DLEU7: variants seen among roughly 807,000 people sequenced by gnomAD.
The protein encoded by DLEU7 is leukemia-associated protein 7.
DLEU7 carries 17 observed loss-of-function variants against 16.0 expected under a neutral mutation model. The observed-to-expected ratio is 1.06, with a 90% CI of 0.73 to 1.59. DLEU7 has a LOEUF of 1.59. DLEU7 is among the 40% of genes most tolerant of loss of function. The pLI, the probability that DLEU7 is intolerant of heterozygous loss-of-function variation, is 0.00. For missense variants in DLEU7, 308 were observed against 314.9 expected (o/e 0.98, Z 0.17); for synonymous variants, 113 against 139.8 (o/e 0.81, Z 1.35).
In DLEU7 at chr13:50,807,666, TAGG is replaced by T. The variant is rs144778619; in HGVS notation, c.459+35519_459+35521del. 7.4e-3 allele frequency among the ~76,000 whole-genome samples: 1,130 copies of T among 152,248 alleles called. 13 individuals are homozygous for T. The highest frequency in any genetic ancestry group is 0.026 in the African/African-American group (1,080 of 41,568). On this transcript the variant is annotated intron_variant, in intron 1 of 1. Transcript: ENST00000400393. ...AAGAAAGAGGGAAAATCTGTTTCAG[TAGG>T]AGACCTTCTCACCTCTTTACTCATA... is the stretch of plus-strand genomic sequence containing the variant.
chr13:50,712,905 G>A, exon 2 of DLEU7: 1 of 344,494 alleles, frequency 2.9e-6, no homozygotes, highest in South Asian at 6.6e-5. Context: ...GAGCAAACAG[G>A]GGTAGGGAAT....
intron 1 of DLEU7, among the ~76,000 whole-genome samples, chr13:50,832,276 G>A (rs1459937840): frequency 2.0e-5 from 3 of 152,268 alleles, no homozygotes; most frequent in African/African-American, 7.2e-5. Context: ...TTTGCACAGA[G>A]GTGTTTATAG....
chr13:50,808,875 GA>G (rs80168974), intron 1 of DLEU7, among the ~76,000 whole-genome samples: 22,222 of 145,926 alleles, frequency 0.15, 3,115 homozygotes, highest in African/African-American at 0.38. Flanking sequence ...ATTTCAGAAG[GA>G]AAAAAAAAAA....
At chr13:50,790,432 C>T (rs964661873) in intron 1 of DLEU7, among the ~76,000 whole-genome samples, 6 of 151,962 alleles carry the variant, frequency 3.9e-5, no homozygotes, top group Non-Finnish European at 7.4e-5. Context: ...CTCTCAGGCC[C>T]GCAAGGATAT....
intron 1 of DLEU7, among the ~76,000 whole-genome samples, chr13:50,769,291 A>G (rs528777766): frequency 2.0e-5 from 3 of 152,294 alleles, no homozygotes; most frequent in Non-Finnish European, 2.9e-5. Flanking sequence ...CTTTAGTTTC[A>G]TTAGATCCTA....
intron 1 of DLEU7, among the ~76,000 whole-genome samples, chr13:50,751,326 G>A (rs1874557545): frequency 6.6e-6 from 1 of 152,194 alleles, no homozygotes; most frequent in African/African-American, 2.4e-5. Flanking sequence ...GTTGGATTCA[G>A]TTAGCTAGTA....
Position 50,843,372 on chromosome 13 carries a change from C to T in DLEU7, c.275G>A (p.Arg92Gln). ...RANSPEEEVV[R>Q]GAEGGAELLP... is the part of the protein sequence containing the mutation. ...CAACTCGGCGCCCCCCTCAGCGCCTCGCACTACCTCCTCCTCTGGGGAGTT... is the reference window on the plus strand; with the variant it reads ...CAACTCGGCGCCCCCCTCAGCGCCTTGCACTACCTCCTCCTCTGGGGAGTT... Residue 92 changes from arginine to glutamine, a missense_variant, in exon 1 of 2, where the codon CGA becomes CAA. Physicochemically the swap from Arg to Gln is conservative, Grantham distance 43 (BLOSUM62 1). Coordinates refer to ENST00000504404, the MANE Select transcript of DLEU7 (RefSeq NM_001306135.2). The surrounding 1 kb of genome is among the most constrained non-coding windows in gnomAD (Gnocchi z 5.7). 3.5e-6 allele frequency: 5 copies of T among 1,412,562 alleles called. No individual in the cohort carries two copies. Among genetic ancestry groups the T allele is most frequent in the South Asian group, 1.5e-5 (1 of 65,670 alleles). The allele number at this position is 1,412,562 out of a possible 1,614,324, so 87.5% of individuals were successfully genotyped here.
chr13:50,771,373 TC>T (rs1477936796), intron 1 of DLEU7, among the ~76,000 whole-genome samples: 2 of 152,230 alleles, frequency 1.3e-5, no homozygotes, highest in African/African-American at 4.8e-5. Flanking sequence ...CAATTTTAGA[TC>T]TTCCCTGCTT....
chr13:50,821,079 A>G (rs941592598), downstream of DLEU7, among the ~76,000 whole-genome samples: 13 of 152,180 alleles, frequency 8.5e-5, no homozygotes, highest in Middle Eastern at 3.4e-3. Flanking sequence ...GCTAATGGAG[A>G]ATGCCAAGGG....
chr13:50,782,920 A>G (rs1043963330), intron 1 of DLEU7, among the ~76,000 whole-genome samples: 3 of 152,178 alleles, frequency 2.0e-5, no homozygotes, highest in African/African-American at 7.2e-5. Context: ...TTCACCTACA[A>G]CATGAGCTCC....
intron 1 of DLEU7, among the ~76,000 whole-genome samples, chr13:50,801,610 C>T (rs770825584): frequency 3.3e-5 from 5 of 152,124 alleles, no homozygotes; most frequent in Non-Finnish European, 5.9e-5. Context: ...GCACCTTGCA[C>T]TGCACTGTTG....
chr13:50,792,763 T>TA (rs1875997737), intron 1 of DLEU7, among the ~76,000 whole-genome samples: 2 of 151,600 alleles, frequency 1.3e-5, no homozygotes, highest in South Asian at 4.2e-4. Flanking sequence ...AGGCCTCCCT[T>TA]ACCCAATCAA....
At chr13:50,746,423 C>G (rs1874397788) in intron 1 of DLEU7, among the ~76,000 whole-genome samples, 1 of 152,142 alleles carries the variant, frequency 6.6e-6, no homozygotes, top group Non-Finnish European at 1.5e-5. Flanking sequence ...ATCCTGTGGC[C>G]TTATTCTTCC....
At chr13:50,771,749 G>T (rs981529648) in intron 1 of DLEU7, among the ~76,000 whole-genome samples, 1 of 152,154 alleles carries the variant, frequency 6.6e-6, no homozygotes, top group African/African-American at 2.4e-5. Flanking sequence ...TGTTGATTTG[G>T]GGTGGAGAGT....
chr13:50,723,558 T>C (rs1593528295), intron 1 of DLEU7, among the ~76,000 whole-genome samples: 1 of 152,146 alleles, frequency 6.6e-6, no homozygotes, highest in East Asian at 1.9e-4. Context: ...AGGGTGTGAC[T>C]GTGGTTGGGT....
chr13:50,723,083 A>G (rs975403806), intron 1 of DLEU7: 1 of 152,236 alleles, frequency 6.6e-6, no homozygotes, highest in Non-Finnish European at 1.5e-5. Flanking sequence ...TTTCAGTGCA[A>G]TAAAGGTTTC....
chr13:50,738,757 A>C (rs141134371), intron 1 of DLEU7, among the ~76,000 whole-genome samples: 1 of 152,142 alleles, frequency 6.6e-6, no homozygotes. Context: ...ATTTTCAAAT[A>C]ACATGCTGGA....
At chr13:50,737,661 G>A (rs898543785) in intron 1 of DLEU7, among the ~76,000 whole-genome samples, 10 of 152,082 alleles carry the variant, frequency 6.6e-5, no homozygotes, top group East Asian at 3.8e-4. Context: ...AATGTTGTGC[G>A]TGTTCCGACT....
intron 1 of DLEU7, among the ~76,000 whole-genome samples, chr13:50,781,476 C>T (rs1460511107): frequency 6.6e-6 from 1 of 152,180 alleles, no homozygotes; most frequent in Non-Finnish European, 1.5e-5. Flanking sequence ...AGATCTTGAG[C>T]ACCGCCAACA....
Sources: gnomAD v4.1 joint callset for allele counts (sites outside exome capture counted in the v4.1 genomes callset) on GRCh38, gnomAD v4.1.1 for gene constraint, Gnocchi (gnomAD v3.1) non-coding constraint, MANE v1.5 for transcripts, NCBI Gene and HGNC (gene_info 2026-07-23, HGNC 2026-07-21) for gene names.